HTR2C: variants seen among roughly 807,000 people sequenced by gnomAD.
HTR2C encodes the protein 5-hydroxytryptamine (serotonin) receptor 2C, G protein-coupled.
Under a neutral mutation model 21.0 loss-of-function variants are expected in HTR2C, and 5 were observed. The ratio of observed to expected loss-of-function variants is 0.24; its 90% CI spans 0.12 to 0.50. The LOEUF is 0.50. HTR2C is among the 20% of genes least tolerant of loss of function. The pLI is 0.98. For missense variants in HTR2C, 271 were observed against 371.2 expected (o/e 0.73, Z 2.22); for synonymous variants, 150 against 145.3 (o/e 1.03, Z -0.23).
intron 4 of HTR2C, among the ~76,000 whole-genome samples, chrX:114,823,733 A>G (rs1199855504): frequency 2.7e-5 from 3 of 111,564 alleles, no homozygotes; most frequent in Non-Finnish European, 5.6e-5. Flanking sequence ...GGCAGTGGGT[A>G]TGTGAGTGGA....
At chrX:114,792,839 G>A (rs1556444035) in intron 4 of HTR2C, among the ~76,000 whole-genome samples, 2 of 111,533 alleles carry the variant, frequency 1.8e-5, no homozygotes, top group South Asian at 3.7e-4. Flanking sequence ...ATCTCATTGC[G>A]GTTTTGATTT....
intron 4 of HTR2C, among the ~76,000 whole-genome samples, chrX:114,784,456 CA>C (rs1337521357): frequency 9.1e-6 from 1 of 110,267 alleles, no homozygotes; most frequent in East Asian, 2.9e-4. Context: ...GTCTGGAGGC[CA>C]AAAGTCCAAA....
intron 2 of HTR2C, among the ~76,000 whole-genome samples, chrX:114,617,941 C>T (rs183107294): frequency 2.1e-3 from 229 of 111,623 alleles, no homozygotes; most frequent in African/African-American, 6.8e-3. Flanking sequence ...AAGAGAGGTA[C>T]TCAATCAGGA....
intron 2 of HTR2C, among the ~76,000 whole-genome samples, chrX:114,659,699 A>G (rs1448614622): frequency 4.5e-5 from 5 of 110,572 alleles, no homozygotes; most frequent in Admixed American, 3.9e-4. Flanking sequence ...TATAGTCAAT[A>G]TATTGTAATA....
chrX:114,746,352 C>T (rs782248762), intron 4 of HTR2C, among the ~76,000 whole-genome samples: 1 of 110,870 alleles, frequency 9.0e-6, no homozygotes, highest in South Asian at 3.8e-4. Context: ...AATATAGATG[C>T]AAAAATAATC....
At chrX:114,745,986 C>T (rs938982228) in intron 4 of HTR2C, among the ~76,000 whole-genome samples, 3 of 111,939 alleles carry the variant, frequency 2.7e-5, no homozygotes, top group African/African-American at 9.7e-5. Flanking sequence ...TAAGTCAATG[C>T]ATAAATGCTT....
intron 4 of HTR2C, among the ~76,000 whole-genome samples, chrX:114,733,783 C>T (rs2069560904): frequency 9.0e-6 from 1 of 110,936 alleles, no homozygotes; most frequent in African/African-American, 3.3e-5. Context: ...TGCTCTTGAG[C>T]TTGGAATTTT....
intron 4 of HTR2C, among the ~76,000 whole-genome samples, chrX:114,771,145 C>T (rs1248695539): frequency 9.0e-6 from 1 of 111,137 alleles, no homozygotes; most frequent in Admixed American, 9.6e-5. Flanking sequence ...CTTGTTGAAA[C>T]TCGGACATTT....
chrX:114,776,681 T>C lies in HTR2C; in HGVS notation c.349+45074T>C, dbSNP rs2070060857. 1.2e-5 allele frequency: 6 copies of C among 484,144 alleles called. No individual in the cohort carries two copies. In the East Asian group the frequency reaches 2.5e-4, roughly 20 times the overall value. 39.9% of individuals were successfully genotyped at this position (484,144 alleles called of 1,213,427 possible). On this transcript the variant is annotated intron_variant, in intron 4 of 5. Transcript: ENST00000276198. Reference sequence around the variant, plus strand: ...GCTTGGAGTGGTTCAGTTTCCCTGATCATTGGTAATTATCTCTACTTTTCC... The same window carrying C: ...GCTTGGAGTGGTTCAGTTTCCCTGACCATTGGTAATTATCTCTACTTTTCC...
At chrX:114,854,091 A>G (rs1295207735) in intron 5 of HTR2C, among the ~76,000 whole-genome samples, 2 of 111,106 alleles carry the variant, frequency 1.8e-5, no homozygotes, top group Non-Finnish European at 3.8e-5. Flanking sequence ...GCTTTACCAC[A>G]AACCAAATCT....
intron 2 of HTR2C, among the ~76,000 whole-genome samples, chrX:114,626,167 C>T (rs1361804251): frequency 1.9e-5 from 2 of 107,260 alleles, no homozygotes; most frequent in African/African-American, 6.8e-5. Flanking sequence ...AGTGCTTAGA[C>T]ATATGGGACT....
intron 5 of HTR2C, among the ~76,000 whole-genome samples, chrX:114,901,987 A>T (rs782290753): frequency 1.8e-5 from 2 of 111,463 alleles, no homozygotes; most frequent in South Asian, 7.4e-4. Flanking sequence ...ATTGTTAGTG[A>T]CACCTGATAT....
chrX:114,883,251 G>GTCTGTCATCTATCTACCTATCTA (rs2071195518), intron 5 of HTR2C, among the ~76,000 whole-genome samples: 1 of 110,024 alleles, frequency 9.1e-6, no homozygotes. Context: ...CTATCTATCT[G>GTCTGTCATCTATCTACCTATCTA]TCTGTCATCT....
rs782099856 is a variant in HTR2C, at chrX:114,836,476, T to C, written c.350-11527T>C. Among the ~76,000 whole-genome samples, 160 of 112,316 alleles carry C rather than the reference T, an allele frequency of 1.4e-3. 2 individuals carry two copies. The highest frequency in any genetic ancestry group is 4.9e-3 in the African/African-American group (151 of 30,970). On this transcript the variant is annotated intron_variant, in intron 4 of 5. Transcript: ENST00000276198. ...TGAGAGTGACCCGATTTTCCAGGTG[T>C]GTCTGTCACCCCTTTCTTTGACTCA...
intron 3 of HTR2C, among the ~76,000 whole-genome samples, chrX:114,729,970 C>T (rs1476320752): frequency 8.9e-6 from 1 of 111,811 alleles, no homozygotes; most frequent in African/African-American, 3.2e-5. Context: ...TGAACAACCA[C>T]TACATATAGG....
intron 4 of HTR2C, among the ~76,000 whole-genome samples, chrX:114,735,286 C>T (rs1481032489): frequency 3.6e-5 from 4 of 110,686 alleles, no homozygotes; most frequent in African/African-American, 1.3e-4. Flanking sequence ...CACTGCAATC[C>T]AGCTTGGGCG....
intron 4 of HTR2C, among the ~76,000 whole-genome samples, chrX:114,766,443 C>T (rs187171622): frequency 9.0e-6 from 1 of 111,138 alleles, no homozygotes. Flanking sequence ...ACATTTTATC[C>T]TTGTTGCCAT....
At chrX:114,590,443 G>A (rs1402758901) in intron 1 of HTR2C, among the ~76,000 whole-genome samples, 1 of 111,624 alleles carries the variant, frequency 9.0e-6, no homozygotes, top group Non-Finnish European at 1.9e-5. Context: ...TTCAAGGTCC[G>A]TTTCAAGCCC....
chrX:114,606,288 G>C (rs1556396840), intron 1 of HTR2C, among the ~76,000 whole-genome samples: 2 of 110,887 alleles, frequency 1.8e-5, no homozygotes, highest in Admixed American at 1.9e-4. Flanking sequence ...AGCAGAGAAG[G>C]GGTAGAGACA....
Sources: allele counts gnomAD v4.1 joint callset (sites outside exome capture counted in the v4.1 genomes callset), GRCh38; gene constraint gnomAD v4.1.1; transcripts MANE v1.5; gene names NCBI Gene and HGNC (gene_info 2026-07-23, HGNC 2026-07-21).